The following HS6ST3 variants were observed in gnomAD, a reference collection of about 807,000 sequenced individuals.
HS6ST3 encodes heparan-sulfate 6-O-sulfotransferase 3.
A neutral mutation model predicts 36.7 loss-of-function variants in HS6ST3; 12 were observed. The ratio of observed to expected loss-of-function variants is 0.33; its 90% CI spans 0.21 to 0.53. HS6ST3 has a LOEUF of 0.53. HS6ST3 is among the 20% of genes least tolerant of loss of function. The pLI, the probability that HS6ST3 is intolerant of heterozygous loss-of-function variation, is 0.95. For synonymous variants in HS6ST3, 240 were observed against 257.5 expected (o/e 0.93, Z 0.65); for missense variants, 584 against 640.9 (o/e 0.91, Z 0.96).
chr13:96,303,633 C>T (rs1467538198), intron 1 of HS6ST3, among the ~76,000 whole-genome samples: 1 of 151,976 alleles, frequency 6.6e-6, no homozygotes, highest in Admixed American at 6.6e-5. Flanking sequence ...GGAACACAGG[C>T]CTGTATGGCA....
intron 1 of HS6ST3, among the ~76,000 whole-genome samples, chr13:96,454,181 C>A (rs1248411356): frequency 6.6e-6 from 1 of 151,902 alleles, no homozygotes; most frequent in South Asian, 2.1e-4. Context: ...TTTCATGGAG[C>A]CTGTGGATTA....
At chr13:96,798,357 G>C (rs990717966) in intron 1 of HS6ST3, among the ~76,000 whole-genome samples, 1 of 152,040 alleles carries the variant, frequency 6.6e-6, no homozygotes, top group African/African-American at 2.4e-5. Context: ...GGAATGGGCT[G>C]AAAGTCCCAA....
intron 1 of HS6ST3, among the ~76,000 whole-genome samples, chr13:96,148,094 A>G (rs544458308): frequency 2.0e-5 from 3 of 152,284 alleles, no homozygotes; most frequent in African/African-American, 7.2e-5. Flanking sequence ...TATAGCTCAC[A>G]TTTATTTCAG....
At chr13:96,394,642 C>A (rs2389667) in intron 1 of HS6ST3, among the ~76,000 whole-genome samples, 6 of 152,080 alleles carry the variant, frequency 3.9e-5, no homozygotes, top group Non-Finnish European at 5.9e-5. Context: ...TGCAGAACTT[C>A]AAGAAAGGCA....
Position 96,572,576 on chromosome 13 carries a change from G to A in HS6ST3, c.708-259914G>A, listed in dbSNP as rs548034247. ...TATTTTACTTCAAAATAATTGATTT[G>A]TATTTCTTCAAAAGTATTTTATTGT... On this transcript the variant is annotated intron_variant, in intron 1 of 1. Transcript: ENST00000376705. 1.3e-4 allele frequency among the ~76,000 whole-genome samples: 19 copies of A among 148,724 alleles called. No individual in the cohort carries two copies. The South Asian group carries it at 1.3e-3, about 10-fold the overall frequency.
At chr13:96,529,076 A>G (rs577147847) in intron 1 of HS6ST3, among the ~76,000 whole-genome samples, 105 of 152,272 alleles carry the variant, frequency 6.9e-4, no homozygotes, top group African/African-American at 2.4e-3. Flanking sequence ...TTTCAAATAC[A>G]GTAGATATCA....
At chr13:96,627,451 T>C (rs919102221) in intron 1 of HS6ST3, among the ~76,000 whole-genome samples, 20 of 152,024 alleles carry the variant, frequency 1.3e-4, no homozygotes, top group African/African-American at 3.9e-4. Context: ...TGGGGACTTC[T>C]ATATATCCAT....
intron 1 of HS6ST3, among the ~76,000 whole-genome samples, chr13:96,188,700 T>C (rs912113943): frequency 9.2e-5 from 14 of 152,170 alleles, no homozygotes; most frequent in African/African-American, 3.4e-4. Context: ...GCAGAGTAAT[T>C]TTTAACCCAT....
Position 96,181,475 on chromosome 13 carries a change from G to T in HS6ST3, c.707+89906G>T, listed in dbSNP as rs145471657. On this transcript the variant is annotated intron_variant, in intron 1 of 1. Coordinates refer to ENST00000376705, the MANE Select transcript of HS6ST3 (RefSeq NM_153456.4). ...GAATATTTTCCTGAGGAAAGGAGAG[G>T]TTTTTTCTGCCTCGTTTGAGCTCAG... 1.8e-3 allele frequency among the ~76,000 whole-genome samples: 272 copies of T among 152,302 alleles called. 1 individual carries two copies. Among genetic ancestry groups the T allele is most frequent in the African/African-American group, 6.4e-3 (264 of 41,556 alleles).
chr13:96,492,137 G>A (rs1212945956), intron 1 of HS6ST3, among the ~76,000 whole-genome samples: 2 of 152,126 alleles, frequency 1.3e-5, no homozygotes, highest in African/African-American at 2.4e-5. Flanking sequence ...GTTGTGCCAG[G>A]TACTATGAGC....
Position 96,467,066 on chromosome 13 carries a change from T to C in HS6ST3, c.708-365424T>C, listed in dbSNP as rs568227986. Reference sequence around the variant, plus strand: ...CATCTTCCCACCTATATCTTTGATATATTCTTTCTGACTCCCATTGCAACA... The same window carrying C: ...CATCTTCCCACCTATATCTTTGATACATTCTTTCTGACTCCCATTGCAACA... On this transcript the variant is annotated intron_variant, in intron 1 of 1. Transcript: ENST00000376705. Among the ~76,000 whole-genome samples, 4 of 152,360 alleles carry C rather than the reference T, an allele frequency of 2.6e-5. No homozygotes were observed. In the South Asian group the frequency reaches 6.2e-4, roughly 24 times the overall value.
intron 1 of HS6ST3, among the ~76,000 whole-genome samples, chr13:96,695,148 C>G (rs1424793983): frequency 6.6e-6 from 1 of 152,160 alleles, no homozygotes; most frequent in Non-Finnish European, 1.5e-5. Context: ...CCAGCTATCT[C>G]TTTAGATTCT....
intron 1 of HS6ST3, among the ~76,000 whole-genome samples, chr13:96,214,098 G>A (rs908599009): frequency 6.6e-6 from 1 of 152,094 alleles, no homozygotes; most frequent in African/African-American, 2.4e-5. Flanking sequence ...TTTTCTACAT[G>A]TTTTTATACT....
At chr13:96,567,446 A>G (rs1170976818) in intron 1 of HS6ST3, among the ~76,000 whole-genome samples, 1 of 152,164 alleles carries the variant, frequency 6.6e-6, no homozygotes, top group Non-Finnish European at 1.5e-5. Context: ...CAAAAATAAT[A>G]TGAAAAAATC....
chr13:96,134,903 G>A (rs2053993748), intron 1 of HS6ST3, among the ~76,000 whole-genome samples: 1 of 152,096 alleles, frequency 6.6e-6, no homozygotes, highest in Non-Finnish European at 1.5e-5. Context: ...TAGAATTAGA[G>A]TTTTTCTTTT....
At chr13:96,214,748 T>C (rs1282603175) in intron 1 of HS6ST3, among the ~76,000 whole-genome samples, 2 of 152,084 alleles carry the variant, frequency 1.3e-5, no homozygotes, top group Non-Finnish European at 2.9e-5. Context: ...AACCTGTAGA[T>C]TGTAGAAATG....
chr13:96,156,285 T>A (rs2054110141), intron 1 of HS6ST3, among the ~76,000 whole-genome samples: 1 of 152,190 alleles, frequency 6.6e-6, no homozygotes, highest in African/African-American at 2.4e-5. Context: ...GCTGTCTGAT[T>A]TCCTAGCATC....
chr13:96,279,385 G>T (rs951977710), intron 1 of HS6ST3, among the ~76,000 whole-genome samples: 2 of 152,172 alleles, frequency 1.3e-5, no homozygotes, highest in African/African-American at 4.8e-5. Context: ...AGGTATATAT[G>T]GTCTCTAGCA....
At chr13:96,721,101 C>T (rs1225147849) in intron 1 of HS6ST3, among the ~76,000 whole-genome samples, 1 of 152,172 alleles carries the variant, frequency 6.6e-6, no homozygotes, top group Non-Finnish European at 1.5e-5. Context: ...CTTCGAAACC[C>T]TCTCCTGCTG....
Sources: gnomAD v4.1 joint callset for allele counts (sites outside exome capture counted in the v4.1 genomes callset) on GRCh38, gnomAD v4.1.1 for gene constraint, MANE v1.5 for transcripts, NCBI Gene and HGNC (gene_info 2026-07-23, HGNC 2026-07-21) for gene names.